Variants in SHC4 observed in about 807,000 individuals in gnomAD.
The protein encoded by SHC4 is SHC adaptor protein 4.
Under a neutral mutation model 69.4 loss-of-function variants are expected in SHC4, and 41 were observed. The ratio of observed to expected loss-of-function variants is 0.59; its 90% CI spans 0.46 to 0.77. SHC4 has a LOEUF of 0.77. Ranked by LOEUF, SHC4 falls within the 30% of genes least tolerant of loss-of-function variation. SHC4 has a pLI of 0.00. For missense variants in SHC4, 777 were observed against 783.8 expected (o/e 0.99, Z 0.10); for synonymous variants, 318 against 299.3 (o/e 1.06, Z -0.64).
At chr15:48,867,271 A>G (rs1057154250) in intron 6 of SHC4, among the ~76,000 whole-genome samples, 5 of 152,258 alleles carry the variant, frequency 3.3e-5, no homozygotes, top group Non-Finnish European at 7.3e-5. Flanking sequence ...AAGAGAAATA[A>G]GTGTTGTGAT....
intron 3 of SHC4, among the ~76,000 whole-genome samples, chr15:48,887,538 A>G (rs942682530): frequency 4.6e-5 from 7 of 152,224 alleles, no homozygotes; most frequent in Non-Finnish European, 1.0e-4. Flanking sequence ...TCATAGATAT[A>G]AACACTTTTA....
intron 1 of SHC4, among the ~76,000 whole-genome samples, chr15:48,928,239 A>G (rs1163690161): frequency 1.3e-5 from 2 of 152,120 alleles, no homozygotes; most frequent in Admixed American, 6.5e-5. Flanking sequence ...GTTGTTCTTC[A>G]TTTTGGAGTG....
At chr15:48,934,636 A>G (rs1439178268) in intron 1 of SHC4, among the ~76,000 whole-genome samples, 2 of 152,180 alleles carry the variant, frequency 1.3e-5, no homozygotes, top group African/African-American at 4.8e-5. Context: ...CCACACAAAA[A>G]CTTGCACCTA....
At chr15:48,890,170 T>C (rs936513080) in intron 3 of SHC4, among the ~76,000 whole-genome samples, 2 of 152,126 alleles carry the variant, frequency 1.3e-5, no homozygotes, top group African/African-American at 4.8e-5. Flanking sequence ...TGTCCAAGAG[T>C]ACACCATTTG....
intron 9 of SHC4, among the ~76,000 whole-genome samples, chr15:48,849,497 G>A (rs1899165301): frequency 6.6e-6 from 1 of 152,196 alleles, no homozygotes; most frequent in South Asian, 2.1e-4. Context: ...TGCCAGTTGT[G>A]CCTCTAGCTC....
At chr15:48,850,823 G>T (rs1416994777) in intron 9 of SHC4, among the ~76,000 whole-genome samples, 2 of 152,152 alleles carry the variant, frequency 1.3e-5, no homozygotes, top group African/African-American at 4.8e-5. Context: ...TAATGGATCT[G>T]ACAGGCATCA....
At chr15:48,863,198 G>T (rs557110091) in intron 6 of SHC4, among the ~76,000 whole-genome samples, 21 of 151,486 alleles carry the variant, frequency 1.4e-4, no homozygotes, top group African/African-American at 4.4e-4. Flanking sequence ...AAACAAAAAG[G>T]CACCAAGAAG....
chr15:48,847,899 G>C (rs1899122090), intron 9 of SHC4, among the ~76,000 whole-genome samples: 1 of 151,644 alleles, frequency 6.6e-6, no homozygotes. Flanking sequence ...CTACTCAGGA[G>C]GCTGAGGCAG....
intron 1 of SHC4, among the ~76,000 whole-genome samples, chr15:48,931,323 C>T (rs866592488): frequency 1.3e-5 from 2 of 152,162 alleles, no homozygotes; most frequent in Non-Finnish European, 2.9e-5. Context: ...TCAATTACTG[C>T]CTCATGCTCA....
chr15:48,944,105 A>G (rs1385977873), intron 1 of SHC4, among the ~76,000 whole-genome samples: 1 of 152,190 alleles, frequency 6.6e-6, no homozygotes, highest in African/African-American at 2.4e-5. Context: ...GTTTTCAACA[A>G]TCTAAGCCTA....
rs139271180 is a variant in SHC4, at chr15:48,924,838, A to C, written c.656+41T>G. On this transcript the variant is annotated intron_variant, in intron 2 of 11. Coordinates refer to ENST00000332408, the MANE Select transcript of SHC4 (RefSeq NM_203349.4). ...TGTGGGAGAAATTATTGTGACTTTAAACCATACTCCTCAAAGCCCCTCCCA... is the reference window on the plus strand; with the variant it reads ...TGTGGGAGAAATTATTGTGACTTTACACCATACTCCTCAAAGCCCCTCCCA... 6.4e-5 allele frequency: 102 copies of C among 1,597,010 alleles called. No homozygotes were observed. In the African/African-American group the frequency reaches 1.3e-3, roughly 20 times the overall value.
At chr15:48,848,583 C>T (rs1385005530) in intron 9 of SHC4, among the ~76,000 whole-genome samples, 1 of 151,890 alleles carries the variant, frequency 6.6e-6, no homozygotes, top group African/African-American at 2.4e-5. Flanking sequence ...AAAATATATC[C>T]CAGGCTCCAA....
At chr15:48,936,155 T>C (rs1474175627) in intron 1 of SHC4, among the ~76,000 whole-genome samples, 6 of 152,244 alleles carry the variant, frequency 3.9e-5, no homozygotes, top group Non-Finnish European at 8.8e-5. Flanking sequence ...AATTTGAATA[T>C]ATATTTTTAA....
intron 10 of SHC4, among the ~76,000 whole-genome samples, chr15:48,837,923 G>A (rs1328786005): frequency 6.6e-6 from 1 of 152,154 alleles, no homozygotes; most frequent in Non-Finnish European, 1.5e-5. Flanking sequence ...AGAAAGAAAG[G>A]ATGAGACATT....
chr15:48,926,457 A>G (rs1367326470), intron 1 of SHC4, among the ~76,000 whole-genome samples: 2 of 139,870 alleles, frequency 1.4e-5, no homozygotes, highest in Non-Finnish European at 3.1e-5. Flanking sequence ...GTATAATAGT[A>G]TTTCTTTTTT....
chr15:48,906,661 G>T (rs1043541170), intron 2 of SHC4, among the ~76,000 whole-genome samples: 1 of 152,170 alleles, frequency 6.6e-6, no homozygotes, highest in Admixed American at 6.6e-5. Flanking sequence ...AGAGATGGGG[G>T]TGTCCCTGCA....
At chr15:48,938,707 G>C (rs1901119826) in intron 1 of SHC4, among the ~76,000 whole-genome samples, 1 of 151,554 alleles carries the variant, frequency 6.6e-6, no homozygotes, top group Non-Finnish European at 1.5e-5. Context: ...AGATGCCCCA[G>C]CCAATGTGCT....
Position 48,856,057 on chromosome 15 carries a change from C to G in SHC4, c.1138G>C (p.Gly380Arg). 1.2e-6 allele frequency: 2 copies of G among 1,613,882 alleles called. No homozygotes were observed. The highest frequency in any genetic ancestry group is 1.7e-6 in the Non-Finnish European group (2 of 1,179,882). ...EDHEYYNEIPGKQPPVGGVSD... is the reference protein window; with the variant it reads ...EDHEYYNEIPRKQPPVGGVSD... ...ACACCACCTACTGGTGGCTGCTTCCCTGGAATTTCATTGTAATATTCATGA... is the reference window on the plus strand; with the variant it reads ...ACACCACCTACTGGTGGCTGCTTCCGTGGAATTTCATTGTAATATTCATGA... Residue 380 changes from glycine to arginine, a missense_variant, in exon 8 of 12, where the codon GGG (glycine) becomes CGG (arginine). Transcript: ENST00000332408.
intron 1 of SHC4, among the ~76,000 whole-genome samples, chr15:48,950,000 ATAT>A (rs1231866271): frequency 7.0e-6 from 1 of 142,418 alleles, no homozygotes; most frequent in Non-Finnish European, 1.5e-5. Flanking sequence ...TAATATATTA[ATAT>A]TATTAAAATA....
Sources: allele counts gnomAD v4.1 joint callset (sites outside exome capture counted in the v4.1 genomes callset), GRCh38; gene constraint gnomAD v4.1.1; transcripts MANE v1.5; gene names NCBI Gene and HGNC (gene_info 2026-07-23, HGNC 2026-07-21).